DOCK5: variants seen among roughly 807,000 people sequenced by gnomAD.
DOCK5 encodes dedicator of cytokinesis 5, also known as dedicator of cytokinesis protein 5.
In DOCK5, 142 loss-of-function variants were observed where a neutral mutation model predicts 251.8. The observed-to-expected ratio is 0.56, with a 90% CI of 0.49 to 0.65. The LOEUF (loss-of-function observed/expected upper bound fraction) is 0.65, where lower values mean the gene tolerates loss of function less well. DOCK5 is among the 30% of genes least tolerant of loss of function. The pLI is 0.00. For synonymous variants in DOCK5, 842 were observed against 835.5 expected, an observed-to-expected ratio of 1.01 and a Z score of -0.13; for missense variants, 2,111 against 2,312.3, an observed-to-expected ratio of 0.91 and a Z score of 1.79.
At chr8:25,266,822 A>G (rs959844937) in intron 2 of DOCK5, among the ~76,000 whole-genome samples, 8 of 147,974 alleles carry the variant, frequency 5.4e-5, no homozygotes, top group Non-Finnish European at 1.1e-4. Context: ...CCACAATTCT[A>G]GAGAAGACAT....
chr8:25,382,264 A>G (rs1801081016), intron 39 of DOCK5, among the ~76,000 whole-genome samples: 1 of 152,214 alleles, frequency 6.6e-6, no homozygotes, highest in African/African-American at 2.4e-5. Flanking sequence ...GGCGTGAGCC[A>G]CTGCGCCTGG....
At chr8:25,217,939 G>A (rs1802289221) in intron 1 of DOCK5, among the ~76,000 whole-genome samples, 1 of 152,158 alleles carries the variant, frequency 6.6e-6, no homozygotes, top group Non-Finnish European at 1.5e-5. Flanking sequence ...CAAAGGGAAT[G>A]GTGCTGGTTT....
Position 25,243,737 on chromosome 8 carries a change from A to G in DOCK5, c.107A>G (p.His36Arg). The change falls in exon 2 of 52, where the codon CAC becomes CGC. Residue 36 changes from histidine (H) to arginine (R), a missense_variant. His to Arg is a conservative substitution (Grantham distance 29). Around this residue, in one of 3 missense-constraint regions of DOCK5, gnomAD observed 335 missense variants for 324.9 expected, o/e 1.03. Coordinates refer to ENST00000276440, the MANE Select transcript of DOCK5 (RefSeq NM_024940.8). ...TCCTTGCAGATCGGTGACACAGTTC[A>G]CATCCTGGAGATGTACGAGGGTAAG... ...ELSLQIGDTVHILEMYEGWYR... is the reference protein window; with the variant it reads ...ELSLQIGDTVRILEMYEGWYR... 6.2e-7 allele frequency: 1 copy of G among 1,613,688 alleles called. No individual in the cohort carries two copies. Among genetic ancestry groups the G allele is most frequent in the Non-Finnish European group, 8.5e-7 (1 of 1,179,724 alleles).
chr8:25,410,966 T>TGC (rs1338687362), intron 51 of DOCK5, among the ~76,000 whole-genome samples: 15 of 81,926 alleles, frequency 1.8e-4, no homozygotes, highest in African/African-American at 7.0e-4. Context: ...TGTGTGTGTG[T>TGC]GTGTGTGCGC....
intron 40 of DOCK5, among the ~76,000 whole-genome samples, chr8:25,387,926 A>G (rs1801192551): frequency 6.6e-6 from 1 of 152,166 alleles, no homozygotes; most frequent in South Asian, 2.1e-4. Context: ...GCATCATACA[A>G]CTAGCGTTGT....
chr8:25,376,301 C>A (rs1019022305), intron 37 of DOCK5: 12 of 985,190 alleles, frequency 1.2e-5, no homozygotes, highest in Non-Finnish European at 1.3e-5. Flanking sequence ...TTTTTCCCCC[C>A]AGATTGCTAT....
intron 1 of DOCK5, among the ~76,000 whole-genome samples, chr8:25,187,183 A>C (rs1048018463): frequency 6.6e-6 from 1 of 150,884 alleles, no homozygotes; most frequent in East Asian, 1.9e-4. Context: ...CCTGGGTGAT[A>C]CTGTGAGACC....
At chr8:25,310,671 G>A in intron 13 of DOCK5, 139 bp downstream of exon 13, 1 of 960,134 alleles carries the variant, frequency 1.0e-6, no homozygotes, top group Non-Finnish European at 1.5e-6. Flanking sequence ...CACAAACAGA[G>A]ACACCTGCAA....
chr8:25,270,880 C>T (rs1803890539), intron 3 of DOCK5: 2 of 689,140 alleles, frequency 2.9e-6, no homozygotes, highest in African/African-American at 1.8e-5. Context: ...ATAACCTCTG[C>T]ATTTCCTCCC....
chr8:25,391,150 C>T (rs1381602929), intron 42 of DOCK5, among the ~76,000 whole-genome samples: 1 of 151,852 alleles, frequency 6.6e-6, no homozygotes, highest in Non-Finnish European at 1.5e-5. Flanking sequence ...AAGAGACCCT[C>T]CCTCCCACCT....
At chr8:25,304,192 C>T (rs1199169663) in intron 10 of DOCK5, 63 bp from the exon 11 acceptor site, 1 of 1,383,826 alleles carries the variant, frequency 7.2e-7, no homozygotes, top group Non-Finnish European at 9.9e-7. Flanking sequence ...CTGTCCTTTT[C>T]CATAGTAACT....
intron 45 of DOCK5, chr8:25,395,950 A>T: frequency 1.6e-6 from 1 of 626,242 alleles, no homozygotes; most frequent in Non-Finnish European, 2.9e-6. Flanking sequence ...AAAAAAACCA[A>T]CATGCCTCTG....
intron 4 of DOCK5, among the ~76,000 whole-genome samples, chr8:25,278,170 C>T (rs926491640): frequency 2.6e-5 from 4 of 152,170 alleles, no homozygotes; most frequent in Non-Finnish European, 5.9e-5. Context: ...AGCCCCAGGA[C>T]ACTCGTGCCA....
intron 5 of DOCK5, among the ~76,000 whole-genome samples, chr8:25,285,203 T>G (rs1283294472): frequency 6.6e-6 from 1 of 152,122 alleles, no homozygotes; most frequent in Non-Finnish European, 1.5e-5. Flanking sequence ...TGGAGTGCAG[T>G]AGTGAGATCT....
chr8:25,234,697 G>A (rs890821389), intron 1 of DOCK5, among the ~76,000 whole-genome samples: 3 of 152,150 alleles, frequency 2.0e-5, no homozygotes, highest in African/African-American at 7.2e-5. Flanking sequence ...TCAATGAATT[G>A]TTGCAGAAAT....
chr8:25,400,754 A>C (rs566814270), intron 46 of DOCK5, among the ~76,000 whole-genome samples, 175 bp from the exon 47 acceptor site: 3 of 152,264 alleles, frequency 2.0e-5, no homozygotes, highest in East Asian at 3.9e-4. Flanking sequence ...ATTTTCCCAC[A>C]TCATTGACCA....
At chr8:25,402,262 G>A (rs1801451587) in intron 47 of DOCK5, among the ~76,000 whole-genome samples, 2 of 152,078 alleles carry the variant, frequency 1.3e-5, no homozygotes, top group Admixed American at 1.3e-4. Flanking sequence ...TGAGTAGCTG[G>A]AACTACAGGT....
rs1357128285 is a variant in DOCK5 at position 25,376,324 on chromosome 8, CTGTT to C, written c.3817-976_3817-973del. On this transcript the variant is annotated intron_variant, in intron 37 of 51. Transcript: ENST00000276440. ...CCCAGATTGCTATTCAATAGAGATG[CTGTT>C]TGTTAAGTATAGTTCACATTTTGCT... 4.1e-6 allele frequency: 4 copies of C among 985,116 alleles called. No individual in the cohort carries two copies. In the African/African-American group the frequency reaches 5.2e-5, roughly 13 times the overall value. 61.0% of individuals were successfully genotyped at this position (985,116 alleles called of 1,614,324 possible).
At chr8:25,264,213 A>G (rs1412570378) in intron 2 of DOCK5, among the ~76,000 whole-genome samples, 2 of 151,578 alleles carry the variant, frequency 1.3e-5, no homozygotes, top group East Asian at 1.9e-4. Flanking sequence ...AATGCAAAAA[A>G]TAGCCGGGCA....
Sources: allele counts gnomAD v4.1 joint callset (sites outside exome capture counted in the v4.1 genomes callset), GRCh38; gene constraint gnomAD v4.1.1; regional missense constraint gnomAD v4.1.1; transcripts MANE v1.5; gene names NCBI Gene and HGNC (gene_info 2026-07-23, HGNC 2026-07-21).